ALG9: variants seen among roughly 807,000 people sequenced by gnomAD.
ALG9 encodes the protein alpha-1,2-mannosyltransferase ALG9.
A neutral mutation model predicts 81.8 loss-of-function variants in ALG9; 55 were observed. The ratio of observed to expected loss-of-function variants is 0.67; its 90% CI spans 0.54 to 0.84. ALG9 has a LOEUF of 0.84. Among genes scored for constraint, ALG9 ranks in the 40% least tolerant of loss-of-function variants. The probability of loss-of-function intolerance (pLI) is 0.00; values close to 1 mark genes in which losing one functional copy is unlikely to be tolerated. For missense variants in ALG9, 629 were observed against 745.0 expected (o/e 0.84, Z 1.81); for synonymous variants, 278 against 274.3 (o/e 1.01, Z -0.13).
intron 13 of ALG9, among the ~76,000 whole-genome samples, chr11:111,822,008 T>G (rs565477071): frequency 1.8e-4 from 27 of 152,246 alleles, no homozygotes; most frequent in African/African-American, 6.5e-4. Context: ...TAATACCCAC[T>G]TGAGGGACTT....
At chr11:111,858,129 G>A (rs2137115087) in intron 5 of ALG9, among the ~76,000 whole-genome samples, 1 of 152,158 alleles carries the variant, frequency 6.6e-6, no homozygotes, top group South Asian at 2.1e-4. Flanking sequence ...TAGAGACGGG[G>A]TTTCACCATG....
downstream of ALG9, among the ~76,000 whole-genome samples, chr11:111,780,367 G>T (rs148038544): frequency 1.5e-4 from 23 of 151,446 alleles, no homozygotes; most frequent in Non-Finnish European, 1.0e-4. Flanking sequence ...CTACAGGCAG[G>T]ATTTATAATT....
intron 6 of ALG9, among the ~76,000 whole-genome samples, chr11:111,856,276 CAAAAAAAAA>C (rs1175162630): frequency 3.4e-4 from 13 of 38,586 alleles, no homozygotes; most frequent in Non-Finnish European, 8.3e-4. Context: ...GACTCCATCT[CAAAAAAAAA>C]AAAAAAAAAA....
chr11:111,821,893 G>A (rs557071126), intron 13 of ALG9, among the ~76,000 whole-genome samples: 6 of 152,070 alleles, frequency 3.9e-5, no homozygotes, highest in East Asian at 3.9e-4. Context: ...CTCGGCCTCC[G>A]AAAGTGCTGG....
rs1484063418 is a variant in ALG9, at chr11:111,805,018, G to C, written c.1733+4625C>G. On this transcript the variant is annotated intron_variant, in intron 14 of 14. Transcript: ENST00000616540. ...AAAAACCTGCACAGGGATGTTTATA[G>C]CAGCTTTATTAATAATTGCTGTTAT... 1.8e-5 allele frequency: 5 copies of C among 272,838 alleles called. No homozygotes were observed. In the Admixed American group the frequency reaches 2.5e-4, roughly 14 times the overall value. 16.9% of individuals were successfully genotyped at this position (272,838 alleles called of 1,614,324 possible). A position where few individuals can be genotyped will look rare whatever the true frequency, so the allele number is the denominator to read the frequency against.
chr11:111,785,490 G>T lies in ALG9; in HGVS notation c.*907C>A, dbSNP rs1555062136. ...AATATACACTGATCCTTTTCACTGGGGGTGGTTAAAAAAAAAGGAAAATTC... is the reference window on the plus strand; with the variant it reads ...AATATACACTGATCCTTTTCACTGGTGGTGGTTAAAAAAAAAGGAAAATTC... On this transcript the variant is annotated 3_prime_UTR_variant, in exon 15 of 15. Coordinates refer to ENST00000616540, the MANE Select transcript of ALG9 (RefSeq NM_024740.2). 2 of 153,842 alleles carry T rather than the reference G, an allele frequency of 1.3e-5. No homozygotes were observed. The allele number at this position is 153,842 out of a possible 1,614,324, so 9.5% of individuals were successfully genotyped here.
chr11:111,826,662 T>C (rs1370956550), intron 13 of ALG9, among the ~76,000 whole-genome samples: 5 of 152,286 alleles, frequency 3.3e-5, no homozygotes, highest in African/African-American at 1.2e-4. Context: ...CTAACTTCTT[T>C]TGGTACTTGA....
chr11:111,865,122 A>T (rs545487039), intron 4 of ALG9, 59 bp downstream of exon 4: 4 of 1,317,632 alleles, frequency 3.0e-6, no homozygotes, highest in South Asian at 2.8e-5. Flanking sequence ...CACAACAGAT[A>T]ATCTATGCAA....
intron 13 of ALG9, among the ~76,000 whole-genome samples, chr11:111,815,241 A>C (rs1254916670): frequency 6.6e-6 from 1 of 152,026 alleles, no homozygotes; most frequent in Non-Finnish European, 1.5e-5. Flanking sequence ...TCTACAAAAA[A>C]ATTTTTTTTA....
chr11:111,795,168 G>A (rs915315944), intron 14 of ALG9, among the ~76,000 whole-genome samples: 18 of 152,138 alleles, frequency 1.2e-4, no homozygotes, highest in African/African-American at 4.3e-4. Context: ...GCCACAGAAA[G>A]TCCTCAATAA....
chr11:111,844,726 G>C lies in ALG9; in HGVS notation c.896-3C>G. 1 of 1,613,478 alleles carries C rather than the reference G, an allele frequency of 6.2e-7. No homozygotes were observed. Among genetic ancestry groups the C allele is most frequent in the Non-Finnish European group, 8.5e-7 (1 of 1,179,550 alleles). On this transcript the variant is annotated splice_region_variant and splice_polypyrimidine_tract_variant and intron_variant, in intron 8 of 14. Transcript: ENST00000616540. The stretch of plus-strand genomic sequence containing the variant: ...ATAGAAATACCAGGGTTCTGTACCT[G>C]AGGGAGACATAAAGGTAAGAAATCA...
At chr11:111,848,500 G>T (rs1174704469) in intron 8 of ALG9, among the ~76,000 whole-genome samples, 3 of 149,072 alleles carry the variant, frequency 2.0e-5, no homozygotes, top group Admixed American at 1.4e-4. Flanking sequence ...TGAGGCAAGA[G>T]AATTGCTTGA....
chr11:111,801,276 A>G (rs1158144260), intron 14 of ALG9, among the ~76,000 whole-genome samples: 1 of 152,250 alleles, frequency 6.6e-6, no homozygotes, highest in Admixed American at 6.5e-5. Context: ...CTCTGACAGT[A>G]CAGTCTACCT....
chr11:111,871,534 C>G lies in ALG9; in HGVS notation c.-52G>C. ...GCACCCTATGAAGTCGGTGAGCGCG[C>G]AGACATAGCTTTGGCTGGCAAACGG... is the stretch of plus-strand genomic sequence containing the variant. On this transcript the variant is annotated 5_prime_UTR_variant, in exon 1 of 15. Transcript: ENST00000616540. 1 of 1,534,670 alleles carries G rather than the reference C, an allele frequency of 6.5e-7. No individual in the cohort carries two copies. Among genetic ancestry groups the G allele is most frequent in the Non-Finnish European group, 8.7e-7 (1 of 1,145,982 alleles).
chr11:111,829,337 C>G (rs1369957756), intron 13 of ALG9: 2 of 152,178 alleles, frequency 1.3e-5, no homozygotes, highest in South Asian at 4.1e-4. Flanking sequence ...AACCAGCTGT[C>G]GAAGCTAAAA....
chr11:111,824,935 T>C (rs958127867), intron 13 of ALG9, among the ~76,000 whole-genome samples: 3 of 152,210 alleles, frequency 2.0e-5, no homozygotes, highest in Admixed American at 6.5e-5. Flanking sequence ...AATAGACCTA[T>C]CATAGCTAAA....
At chr11:111,836,848 G>C (rs1268747897) in intron 12 of ALG9, 1 of 166,520 alleles carries the variant, frequency 6.0e-6, no homozygotes, top group African/African-American at 2.4e-5. Context: ...CTACTACCCA[G>C]TAAAGCCAAG....
At chr11:111,850,756 C>T (rs1957677139) in intron 8 of ALG9, among the ~76,000 whole-genome samples, 2 of 119,392 alleles carry the variant, frequency 1.7e-5, no homozygotes, top group African/African-American at 7.1e-5. Context: ...TTACCAAATT[C>T]AAAGATGAGG....
chr11:111,788,919 C>T (rs1307118532), intron 14 of ALG9, among the ~76,000 whole-genome samples: 3 of 152,136 alleles, frequency 2.0e-5, no homozygotes, highest in African/African-American at 2.4e-5. Context: ...ATAAAAGCTT[C>T]ATTAATATAG....
Sources: gnomAD v4.1 joint callset for allele counts (sites outside exome capture counted in the v4.1 genomes callset) on GRCh38, gnomAD v4.1.1 for gene constraint, MANE v1.5 for transcripts, NCBI Gene and HGNC (gene_info 2026-07-23, HGNC 2026-07-21) for gene names.